MRPL58: variants seen among roughly 807,000 people sequenced by gnomAD.
MRPL58 encodes large ribosomal subunit protein mL62.
MRPL58 carries 17 observed loss-of-function variants against 26.0 expected under a neutral mutation model. The observed-to-expected ratio is 0.65, with a 90% confidence interval of 0.45 to 0.98. The LOEUF (loss-of-function observed/expected upper bound fraction) is 0.98. Among genes scored for constraint, MRPL58 ranks in the 50% least tolerant of loss-of-function variants. MRPL58 has a pLI of 0.00. For synonymous variants in MRPL58, 100 were observed against 99.7 expected (o/e 1.00, Z -0.02); for missense variants, 250 against 269.0 (o/e 0.93, Z 0.49).
At chr17:75,020,719 A>G in intron 5 of MRPL58, 62 bp downstream of exon 5, 1 of 1,548,608 alleles carries the variant, frequency 6.5e-7, no homozygotes. Context: ...CTACACAGGT[A>G]AGGAAGGGGC....
intron 2 of MRPL58, among the ~76,000 whole-genome samples, chr17:75,018,142 C>T (rs745901385): frequency 2.8e-4 from 42 of 149,016 alleles, no homozygotes; most frequent in Non-Finnish European, 5.5e-4. Context: ...TGACGTGGAG[C>T]ACTCTTTACA....
Position 75,019,770 on chromosome 17 carries a change from C to T in MRPL58, c.283+11C>T. The stretch of plus-strand genomic sequence containing the variant: ...AGAATGTGAACAAAGGTACGGGGTG[C>T]CTTGTTGCTTTCTTTTGCTTTAAAA... On this transcript the variant is annotated intron_variant, in intron 3 of 5. Coordinates refer to ENST00000301585, the MANE Select transcript of MRPL58 (RefSeq NM_001545.3). 6.3e-7 allele frequency: 1 copy of T among 1,583,700 alleles called. No homozygotes were observed. The highest frequency in any genetic ancestry group is 8.6e-7 in the Non-Finnish European group (1 of 1,159,380).
intron 1 of MRPL58, 94 bp downstream of exon 1, chr17:75,012,966 T>A (rs1421836963): frequency 1.7e-6 from 2 of 1,193,162 alleles, no homozygotes; most frequent in Non-Finnish European, 2.4e-6. Context: ...TGGAGCTACG[T>A]CGGGGGGCTA....
intron 2 of MRPL58, among the ~76,000 whole-genome samples, chr17:75,018,971 T>C (rs917507383): frequency 2.0e-5 from 3 of 151,752 alleles, no homozygotes; most frequent in African/African-American, 7.3e-5. Flanking sequence ...TTTTGTAGCT[T>C]GAAGCTGTGC....
intron 1 of MRPL58, among the ~76,000 whole-genome samples, chr17:75,013,988 A>G (rs557044400): frequency 1.3e-5 from 2 of 152,330 alleles, no homozygotes; most frequent in East Asian, 3.9e-4. Flanking sequence ...GAGAACAGAT[A>G]GAGGATGCCA....
At chr17:75,017,928 G>GC (rs2039986089) in intron 2 of MRPL58, among the ~76,000 whole-genome samples, 1 of 147,238 alleles carries the variant, frequency 6.8e-6, no homozygotes, top group Admixed American at 6.8e-5. Context: ...TGTCTCAGAC[G>GC]AAAAAAAAAA....
intron 2 of MRPL58, among the ~76,000 whole-genome samples, chr17:75,018,233 CT>C (rs11381155): frequency 3.2e-4 from 47 of 146,874 alleles, no homozygotes; most frequent in Middle Eastern, 3.5e-3. Flanking sequence ...TCTGAAATAT[CT>C]TTTTTTTTTT....
intron 1 of MRPL58, among the ~76,000 whole-genome samples, chr17:75,016,178 C>T (rs1275806511): frequency 6.6e-6 from 1 of 151,200 alleles, no homozygotes. Context: ...CCAAGGCGGG[C>T]AGCTCTCTTG....
At chr17:75,017,257 C>T (rs1354401721) in intron 2 of MRPL58, 143 bp downstream of exon 2, 5 of 672,096 alleles carry the variant, frequency 7.4e-6, no homozygotes, top group Middle Eastern at 3.9e-4. Context: ...TGCCATTGCA[C>T]TCCAGCCTGG....
At chr17:75,014,678 C>T (rs1465705226) in intron 1 of MRPL58, among the ~76,000 whole-genome samples, 1 of 151,630 alleles carries the variant, frequency 6.6e-6, no homozygotes, top group African/African-American at 2.4e-5. Context: ...AACTCCTGAC[C>T]TCAAATGATC....
rs746802123 is a variant in MRPL58 at position 75,020,959 on chromosome 17, G to T, written c.575G>T (p.Arg192Ile). Residue 192 changes from arginine to isoleucine, a missense_variant, in exon 6 of 6, where the codon AGA (arginine) becomes ATA (isoleucine). Transcript: ENST00000301585. ...AATCGGGAAAGGCTGAGACAAAAGA[G>T]AATTCATTCTGCTGTAAAGACAAGC... The part of the protein sequence containing the change: ...NMNRERLRQK[R>I]IHSAVKTSRR... 1 of 1,614,108 alleles carries T rather than the reference G, an allele frequency of 6.2e-7. No homozygotes were observed. Among genetic ancestry groups the T allele is most frequent in the South Asian group, 1.1e-5 (1 of 91,082 alleles).
Position 75,020,905 on chromosome 17 carries a change from G to A in MRPL58, c.537-16G>A. On this transcript the variant is annotated splice_polypyrimidine_tract_variant and intron_variant, in intron 5 of 5. Transcript: ENST00000301585. ...GATTGGGCATCTGGGGCTAATTGCAGTCTTTTTGTTTTCAGGATAGAAAAC... is the reference window on the plus strand; with the variant it reads ...GATTGGGCATCTGGGGCTAATTGCAATCTTTTTGTTTTCAGGATAGAAAAC... 1.2e-6 allele frequency: 2 copies of A among 1,604,022 alleles called. No individual in the cohort carries two copies. The highest frequency in any genetic ancestry group is 1.7e-6 in the Non-Finnish European group (2 of 1,170,784).
chr17:75,020,949 A>C lies in MRPL58; in HGVS notation c.565A>C (p.Arg189=). The change falls in exon 6 of 6, where the codon AGA becomes CGA. Residue 189 remains arginine (R), a synonymous_variant. Coordinates refer to ENST00000301585, the MANE Select transcript of MRPL58 (RefSeq NM_001545.3). ...AGAAAACATGAATCGGGAAAGGCTG[A>C]GACAAAAGAGAATTCATTCTGCTGT... The part of the protein sequence containing the change: ...RIENMNRERL[R]QKRIHSAVKT... The C allele has an allele frequency of 6.2e-7, 1 of 1,613,964 alleles. No individual in the cohort carries two copies. The highest frequency in any genetic ancestry group is 8.5e-7 in the Non-Finnish European group (1 of 1,179,848).
Position 75,012,830 on chromosome 17 carries a change from C to G in MRPL58, c.144C>G (p.Leu48=). 1 of 1,612,510 alleles carries G rather than the reference C, an allele frequency of 6.2e-7. No homozygotes were observed. The highest frequency in any genetic ancestry group is 8.5e-7 in the Non-Finnish European group (1 of 1,179,624). Residue 48 remains leucine (L), a synonymous_variant, in exon 1 of 6, where the codon CTC becomes CTG. Coordinates refer to ENST00000301585, the MANE Select transcript of MRPL58 (RefSeq NM_001545.3). ...EFKSIYSLDK[L]YPESQGSDTA... The stretch of plus-strand genomic sequence containing the variant: ...AGAGCATCTACAGCCTGGACAAGCT[C>G]TACCCCGAATCTCAGGGCTCGGACA...
At chr17:75,018,359 G>A (rs2039989168) in intron 2 of MRPL58, among the ~76,000 whole-genome samples, 1 of 151,880 alleles carries the variant, frequency 6.6e-6, no homozygotes, top group African/African-American at 2.4e-5. Context: ...AGCCTCCCGA[G>A]TAGCTGGGAC....
rs1226120310 is a variant in MRPL58, at chr17:75,020,472, C to A, written c.367-16C>A. 3.1e-6 allele frequency: 5 copies of A among 1,613,702 alleles called. No homozygotes were observed. Among genetic ancestry groups the A allele is most frequent in the Non-Finnish European group, 4.2e-6 (5 of 1,179,690 alleles). ...TTTACTCTGTAGGACTCCAGTTTTT[C>A]ATTTGTTCTCTGCAGCATAAAAACA... On this transcript the variant is annotated splice_polypyrimidine_tract_variant and intron_variant, in intron 4 of 5. Transcript: ENST00000301585.
chr17:75,017,890 CTCCAGCCTGGGCG>C lies in MRPL58; in HGVS notation c.223+777_223+789del, dbSNP rs2039985666. ...GGTGAGTTGAGATCGCACCACTGCACTCCAGCCTGGGCGACACAGCGAGACTCTGTCTCAGACG... is the reference window on the plus strand; with the variant it reads ...GGTGAGTTGAGATCGCACCACTGCACACACAGCGAGACTCTGTCTCAGACG... On this transcript the variant is annotated intron_variant, in intron 2 of 5. Coordinates refer to ENST00000301585, the MANE Select transcript of MRPL58 (RefSeq NM_001545.3). Among the ~76,000 whole-genome samples, 3 of 151,874 alleles carry C rather than the reference CTCCAGCCTGGGCG, an allele frequency of 2.0e-5. No homozygotes were observed. The South Asian group carries it at 6.2e-4, about 32-fold the overall frequency.
chr17:75,014,428 C>A (rs2039958698), intron 1 of MRPL58, among the ~76,000 whole-genome samples: 1 of 144,774 alleles, frequency 6.9e-6, no homozygotes, highest in Non-Finnish European at 1.5e-5. Flanking sequence ...CGGGCGTGAG[C>A]CACCGCGCCA....
At chr17:75,016,338 C>T (rs1428984565) in intron 1 of MRPL58, among the ~76,000 whole-genome samples, 2 of 151,834 alleles carry the variant, frequency 1.3e-5, no homozygotes, top group Admixed American at 1.3e-4. Flanking sequence ...ATCACTTGAA[C>T]CCAAGAGGCG....
Sources: gnomAD v4.1 joint callset for allele counts (sites outside exome capture counted in the v4.1 genomes callset) on GRCh38, gnomAD v4.1.1 for gene constraint, MANE v1.5 for transcripts, NCBI Gene and HGNC (gene_info 2026-07-23, HGNC 2026-07-21) for gene names.